The following HECW1 variants were observed in gnomAD, a reference collection of about 807,000 sequenced individuals.
HECW1 encodes the protein E3 ubiquitin-protein ligase HECW1.
Under a neutral mutation model 182.3 loss-of-function variants are expected in HECW1, and 61 were observed. The ratio of observed to expected loss-of-function variants is 0.33; its 90% CI spans 0.27 to 0.41. HECW1 has a LOEUF of 0.41. Among genes scored for constraint, HECW1 ranks in the 10% least tolerant of loss-of-function variants. The pLI is 1.00. For synonymous variants in HECW1, 859 were observed against 832.6 expected (o/e 1.03, Z -0.55); for missense variants, 1,739 against 2,108.9 (o/e 0.82, Z 3.44).
intron 16 of HECW1, 35 bp from the exon 17 acceptor site, chr7:43,479,574 AC>A: frequency 6.2e-7 from 1 of 1,613,372 alleles, no homozygotes. Flanking sequence ...CTATTCTCAC[AC>A]CACACGGTGC....
chr7:43,418,829 T>G (rs1357985059), intron 8 of HECW1, among the ~76,000 whole-genome samples: 1 of 152,186 alleles, frequency 6.6e-6, no homozygotes, highest in Non-Finnish European at 1.5e-5. Context: ...ATGTTTTGTG[T>G]TTTTTAATAA....
At chr7:43,302,172 G>A (rs1806897446) in intron 3 of HECW1, among the ~76,000 whole-genome samples, 1 of 152,066 alleles carries the variant, frequency 6.6e-6, no homozygotes, top group South Asian at 2.1e-4. Context: ...GAATGGAGGA[G>A]GGAAACACAC....
chr7:43,165,557 G>A (rs780953577), intron 2 of HECW1, among the ~76,000 whole-genome samples: 43 of 152,096 alleles, frequency 2.8e-4, no homozygotes, highest in Non-Finnish European at 5.9e-4. Flanking sequence ...GAACATAAGA[G>A]TGATTTTATT....
intron 2 of HECW1, among the ~76,000 whole-genome samples, chr7:43,130,791 A>G (rs1370449950): frequency 6.6e-6 from 1 of 152,210 alleles, no homozygotes; most frequent in Non-Finnish European, 1.5e-5. Context: ...TTGTGGCATT[A>G]TGTCGGCATT....
chr7:43,496,019 G>A (rs540776701), intron 19 of HECW1, among the ~76,000 whole-genome samples: 1 of 151,968 alleles, frequency 6.6e-6, no homozygotes, highest in Admixed American at 6.6e-5. Context: ...ATAAGTGAGT[G>A]GAATGTATTT....
In HECW1 at chr7:43,397,595, C is replaced by T. The variant is rs531705015; in HGVS notation, c.631+706C>T. ...GTTAGGAGCAATTTTTTGTGGGCAG[C>T]GGGTGGATCTCACCAAGTACATTTC... On this transcript the variant is annotated intron_variant, in intron 7 of 29. Coordinates refer to ENST00000395891, the MANE Select transcript of HECW1 (RefSeq NM_015052.5). Among the ~76,000 whole-genome samples the T allele has an allele frequency of 5.9e-5, 9 of 152,112 alleles. No individual in the cohort carries two copies. The South Asian group carries it at 8.3e-4, about 14-fold the overall frequency.
intron 4 of HECW1, 75 bp downstream of exon 4, chr7:43,312,162 A>G (rs955437199): frequency 7.8e-7 from 1 of 1,277,918 alleles, no homozygotes; most frequent in South Asian, 1.4e-5. Flanking sequence ...AAACTCTACA[A>G]TATAATTAAA....
At chr7:43,262,301 A>G (rs1801266101) in intron 3 of HECW1, among the ~76,000 whole-genome samples, 1 of 151,872 alleles carries the variant, frequency 6.6e-6, no homozygotes, top group Non-Finnish European at 1.5e-5. Context: ...TGAGGCTACA[A>G]GAAAAAAGAA....
intron 5 of HECW1, among the ~76,000 whole-genome samples, chr7:43,329,141 G>A (rs1295280351): frequency 7.0e-6 from 1 of 143,158 alleles, no homozygotes; most frequent in East Asian, 1.9e-4. Context: ...ACAGGAACTC[G>A]GCCAGTTGGG....
At chr7:43,453,297 C>G (rs1465990704) in intron 12 of HECW1, among the ~76,000 whole-genome samples, 1 of 152,054 alleles carries the variant, frequency 6.6e-6, no homozygotes, top group East Asian at 1.9e-4. Flanking sequence ...GAGGAGTGGT[C>G]TGATTCTGGA....
intron 23 of HECW1, 115 bp downstream of exon 23, chr7:43,508,246 C>A (rs532138296): frequency 1.6e-6 from 1 of 616,978 alleles, no homozygotes; most frequent in Non-Finnish European, 2.9e-6. Context: ...CACCCCAATG[C>A]GATTCTGATC....
At position 43,509,086 on chromosome 7, in the gene HECW1, C is replaced by T. The variant is rs371606271; in HGVS notation, c.3984C>T (p.Ser1328=). ...SANDTYTVQI[S]PMSAFVENHL... is the part of the protein sequence containing the mutation. Reference sequence around the variant, plus strand: ...ATGATACTTACACGGTGCAGATCAGCCCCATGTCCGCATTTGTAGAAAACC... The same window carrying T: ...ATGATACTTACACGGTGCAGATCAGTCCCATGTCCGCATTTGTAGAAAACC... Residue 1328 remains serine, a synonymous_variant, in exon 24 of 30, where the codon AGC becomes AGT. Transcript: ENST00000395891. 4.1e-5 allele frequency: 66 copies of T among 1,613,976 alleles called. No homozygotes were observed. The highest frequency in any genetic ancestry group is 5.3e-5 in the Non-Finnish European group (62 of 1,179,956).
chr7:43,355,190 A>G (rs1814965593), intron 5 of HECW1, among the ~76,000 whole-genome samples: 1 of 152,222 alleles, frequency 6.6e-6, no homozygotes, highest in Non-Finnish European at 1.5e-5. Flanking sequence ...ATTTAATCTG[A>G]AAAACAAAAA....
At chr7:43,513,096 G>A (rs902187252) in intron 24 of HECW1, among the ~76,000 whole-genome samples, 6 of 152,116 alleles carry the variant, frequency 3.9e-5, no homozygotes, top group Admixed American at 1.3e-4. Context: ...ACCACTGGGT[G>A]CATAAATGAG....
intron 6 of HECW1, among the ~76,000 whole-genome samples, chr7:43,388,129 C>T (rs922561001): frequency 2.0e-5 from 3 of 152,226 alleles, no homozygotes; most frequent in African/African-American, 7.2e-5. Context: ...GACATGCTGG[C>T]TCCAGCCTGG....
chr7:43,263,165 G>A (rs1273182615), intron 3 of HECW1, among the ~76,000 whole-genome samples: 1 of 152,186 alleles, frequency 6.6e-6, no homozygotes, highest in African/African-American at 2.4e-5. Context: ...ATTTTTCTCA[G>A]AGAGGAAACA....
At chr7:43,147,408 G>A (rs915159978) in intron 2 of HECW1, 1 of 152,078 alleles carries the variant, frequency 6.6e-6, no homozygotes, top group African/African-American at 2.4e-5. Context: ...CCATTCCTTT[G>A]CAATTGAAGC....
At chr7:43,244,896 G>A (rs924703356) in intron 3 of HECW1, among the ~76,000 whole-genome samples, 3 of 152,188 alleles carry the variant, frequency 2.0e-5, no homozygotes, top group Admixed American at 6.5e-5. Flanking sequence ...GGAGAGGGAC[G>A]CCCTGAGATG....
At chr7:43,152,174 G>C (rs185648195) in intron 2 of HECW1, among the ~76,000 whole-genome samples, 1 of 140,780 alleles carries the variant, frequency 7.1e-6, no homozygotes, top group East Asian at 2.2e-4. Flanking sequence ...AAATACTTAG[G>C]AAATATTCTG....
Sources: allele counts gnomAD v4.1 joint callset (sites outside exome capture counted in the v4.1 genomes callset), GRCh38; gene constraint gnomAD v4.1.1; transcripts MANE v1.5; gene names NCBI Gene and HGNC (gene_info 2026-07-23, HGNC 2026-07-21).